Variants in SEC24D observed in about 807,000 individuals in gnomAD.
SEC24D encodes protein transport protein Sec24D.
In SEC24D, 69 loss-of-function variants were observed where a neutral mutation model predicts 116.9. That is an observed-to-expected ratio of 0.59 (90% CI 0.49 to 0.72). The LOEUF is 0.72. Among genes scored for constraint, SEC24D ranks in the 30% least tolerant of loss-of-function variants. The probability of loss-of-function intolerance (pLI) is 0.00; values close to 1 mark genes in which losing one functional copy is unlikely to be tolerated. For missense variants in SEC24D, 1,131 were observed against 1,264.1 expected (o/e 0.89, Z 1.60); for synonymous variants, 405 against 442.8 (o/e 0.91, Z 1.07).
intron 9 of SEC24D, chr4:118,766,682 G>A (rs1479854690): frequency 6.6e-6 from 1 of 152,206 alleles, no homozygotes; most frequent in Non-Finnish European, 1.5e-5. Context: ...GCTCTTCATG[G>A]TGGGTATGAT....
intron 10 of SEC24D, among the ~76,000 whole-genome samples, chr4:118,763,434 TG>T (rs1727484253): frequency 6.6e-6 from 1 of 152,226 alleles, no homozygotes; most frequent in Admixed American, 6.5e-5. Flanking sequence ...CTGCTCGCCT[TG>T]CAAACATCTA....
At chr4:118,813,001 C>G (rs1001737955) in intron 6 of SEC24D, among the ~76,000 whole-genome samples, 1 of 152,190 alleles carries the variant, frequency 6.6e-6, no homozygotes. Context: ...GCGAGCCACA[C>G]CCCCACTGCA....
In SEC24D at chr4:118,815,695, G is replaced by C; in HGVS notation, c.429C>G (p.Pro143=). Residue 143 remains proline (P), a synonymous_variant, in exon 5 of 23, where the codon CCC becomes CCG. Coordinates refer to ENST00000280551, the MANE Select transcript of SEC24D (RefSeq NM_014822.4). ...GSGMAPPSQG[P]PGPLSATSLQ... ...ATGATGTGGCTGACAGAGGGCCAGGGGGTCCCTGGCTTGGAGGAGCCATGC... is the reference window on the plus strand; with the variant it reads ...ATGATGTGGCTGACAGAGGGCCAGGCGGTCCCTGGCTTGGAGGAGCCATGC... 6.2e-7 allele frequency: 1 copy of C among 1,614,076 alleles called. No homozygotes were observed. The highest frequency in any genetic ancestry group is 1.1e-5 in the South Asian group (1 of 91,080).
intron 10 of SEC24D, among the ~76,000 whole-genome samples, chr4:118,758,075 G>C (rs559377813): frequency 6.6e-6 from 1 of 152,244 alleles, no homozygotes; most frequent in African/African-American, 2.4e-5. Flanking sequence ...GGTTAGTATT[G>C]AATTAGACAC....
chr4:118,820,921 T>C (rs1270607241), intron 3 of SEC24D, among the ~76,000 whole-genome samples: 2 of 152,200 alleles, frequency 1.3e-5, no homozygotes, highest in Non-Finnish European at 2.9e-5. Context: ...CATGAAAATT[T>C]AGCCTCAATT....
intron 13 of SEC24D, among the ~76,000 whole-genome samples, chr4:118,749,100 A>C (rs1726694991): frequency 6.6e-6 from 1 of 152,066 alleles, no homozygotes; most frequent in African/African-American, 2.4e-5. Context: ...TCTTTGGCCA[A>C]GTTAAAAGAC....
chr4:118,786,487 A>G (rs116668854), intron 8 of SEC24D, among the ~76,000 whole-genome samples: 4,878 of 152,312 alleles, frequency 0.032, 123 homozygotes, highest in Non-Finnish European at 0.051. Flanking sequence ...TGAATTATCT[A>G]AATATCCACA....
intron 2 of SEC24D, 125 bp from the exon 3 acceptor site, chr4:118,824,874 C>CTT: frequency 1.2e-6 from 1 of 829,398 alleles, no homozygotes; most frequent in Non-Finnish European, 1.8e-6. Context: ...AACAAAATCT[C>CTT]TTTCAAGCTT....
Position 118,752,906 on chromosome 4 carries a change from A to AT in SEC24D, c.1422-19_1422-18insA. ...GCTCTTCCCTGTAAGGAAAAAAAAA[A>AT]GTGTTTGAGATGCTTTATAAATTTA... On this transcript the variant is annotated intron_variant, in intron 11 of 22. Coordinates refer to ENST00000280551, the MANE Select transcript of SEC24D (RefSeq NM_014822.4). 1 of 1,528,936 alleles carries AT rather than the reference A, an allele frequency of 6.5e-7. No homozygotes were observed. The highest frequency in any genetic ancestry group is 8.8e-7 in the Non-Finnish European group (1 of 1,140,848). 94.7% of individuals were successfully genotyped at this position (1,528,936 alleles called of 1,614,324 possible).
chr4:118,805,738 G>A, intron 7 of SEC24D, 105 bp downstream of exon 7: 1 of 607,154 alleles, frequency 1.6e-6, no homozygotes, highest in Non-Finnish European at 2.8e-6. Flanking sequence ...GCTATAATGG[G>A]GTTTTCCATT....
intron 3 of SEC24D, among the ~76,000 whole-genome samples, chr4:118,821,965 G>A (rs1433748751): frequency 1.3e-5 from 2 of 152,198 alleles, no homozygotes; most frequent in Non-Finnish European, 2.9e-5. Flanking sequence ...AAGAGAGGGA[G>A]TAAAATCTGT....
Position 118,731,490 on chromosome 4 carries a change from C to G in SEC24D, c.2694G>C (p.Lys898Asn). The G allele has an allele frequency of 6.2e-7, 1 of 1,614,084 alleles. No homozygotes were observed. Among genetic ancestry groups the G allele is most frequent in the Non-Finnish European group, 8.5e-7 (1 of 1,179,966 alleles). Residue 898 changes from lysine to asparagine, a missense_variant, in exon 21 of 23, where the codon AAG becomes AAC. Transcript: ENST00000280551. ...QLLPIHTLDV[K>N]STMLPAAVRC... ...GAACGGCAGCAGGTAACATTGTACTCTTGACATCTAACGTGTGCTGGGCAG... is the reference window on the plus strand; with the variant it reads ...GAACGGCAGCAGGTAACATTGTACTGTTGACATCTAACGTGTGCTGGGCAG...
intron 2 of SEC24D, among the ~76,000 whole-genome samples, chr4:118,827,985 C>A (rs574151874): frequency 5.9e-5 from 9 of 152,146 alleles, no homozygotes; most frequent in Non-Finnish European, 1.0e-4. Flanking sequence ...GATAAGCTCC[C>A]TATTATATGG....
chr4:118,784,937 T>G (rs1413108359), intron 8 of SEC24D, among the ~76,000 whole-genome samples: 1 of 152,146 alleles, frequency 6.6e-6, no homozygotes, highest in Non-Finnish European at 1.5e-5. Flanking sequence ...TGTTTTTATC[T>G]GTTGGCAATA....
rs894278574 is a variant in SEC24D at position 118,738,394 on chromosome 4, A to G, written c.2378-15T>C. The G allele has an allele frequency of 6.5e-7, 1 of 1,531,996 alleles. No individual in the cohort carries two copies. Among genetic ancestry groups the G allele is most frequent in the East Asian group, 2.3e-5 (1 of 44,408 alleles). 94.9% of individuals were successfully genotyped at this position (1,531,996 alleles called of 1,614,324 possible). A position where few individuals can be genotyped will look rare whatever the true frequency, so the allele number is the denominator to read the frequency against. On this transcript the variant is annotated splice_polypyrimidine_tract_variant and intron_variant, in intron 18 of 22. Transcript: ENST00000280551. Reference sequence around the variant, plus strand: ...TGCTTTAAAAGCTACATCACAAAACAATGAAAAGGACATGAGTTTTAGCTC... The same window carrying G: ...TGCTTTAAAAGCTACATCACAAAACGATGAAAAGGACATGAGTTTTAGCTC...
intron 1 of SEC24D, among the ~76,000 whole-genome samples, chr4:118,834,075 T>C (rs1470056368): frequency 6.6e-6 from 1 of 152,252 alleles, no homozygotes; most frequent in Non-Finnish European, 1.5e-5. Flanking sequence ...TTGGTTTCCA[T>C]GGTCACATTT....
intron 22 of SEC24D, among the ~76,000 whole-genome samples, chr4:118,727,711 T>G (rs1191974567): frequency 6.6e-6 from 1 of 151,958 alleles, no homozygotes; most frequent in Non-Finnish European, 1.5e-5. Flanking sequence ...CATCTCTAGG[T>G]CCTGCCCTTA....
Position 118,745,043 on chromosome 4 carries a change from C to T in SEC24D, c.1725G>A (p.Gly575=), listed in dbSNP as rs1228368263. The T allele has an allele frequency of 1.9e-6, 3 of 1,605,514 alleles. No individual in the cohort carries two copies. The highest frequency in any genetic ancestry group is 2.6e-6 in the Non-Finnish European group (3 of 1,175,732). Residue 575 remains glycine, a synonymous_variant, in exon 14 of 23, where the codon GGG becomes GGA. Coordinates refer to ENST00000280551, the MANE Select transcript of SEC24D (RefSeq NM_014822.4). ...MEALKAADCP[G]KLFIFHSSLP... ...AGGAAGAATGGAAGATGAACAGCTT[C>T]CCAGGACAGTCTGCTGCCTAAAAAA...
chr4:118,750,515 C>T (rs1726770006), intron 13 of SEC24D, among the ~76,000 whole-genome samples: 1 of 152,218 alleles, frequency 6.6e-6, no homozygotes, highest in South Asian at 2.1e-4. Context: ...TGAATATCTA[C>T]TCATCCTTCC....
Sources: gnomAD v4.1 joint callset for allele counts (sites outside exome capture counted in the v4.1 genomes callset) on GRCh38, gnomAD v4.1.1 for gene constraint, MANE v1.5 for transcripts, NCBI Gene and HGNC (gene_info 2026-07-23, HGNC 2026-07-21) for gene names.